Variants in ITK observed in about 807,000 individuals in gnomAD.
The protein encoded by ITK is IL2 inducible T cell kinase, also known as tyrosine-protein kinase ITK/TSK.
Under a neutral mutation model 87.6 loss-of-function variants are expected in ITK, and 45 were observed. The ratio of observed to expected loss-of-function variants is 0.51; its 90% CI spans 0.40 to 0.66. The LOEUF is 0.66. ITK is among the 30% of genes least tolerant of loss of function. The pLI, the probability that ITK is intolerant of heterozygous loss-of-function variation, is 0.00. For missense variants in ITK, 605 were observed against 766.3 expected (o/e 0.79, Z 2.48); for synonymous variants, 303 against 273.6 (o/e 1.11, Z -1.06).
intron 1 of ITK, among the ~76,000 whole-genome samples, chr5:157,188,055 C>G (rs569093185): frequency 6.6e-6 from 1 of 152,304 alleles, no homozygotes; most frequent in Admixed American, 6.5e-5. Context: ...CCTGCCTCAG[C>G]CTCCAAAAGT....
intron 1 of ITK, among the ~76,000 whole-genome samples, chr5:157,184,456 C>G (rs575747005): frequency 6.6e-6 from 1 of 152,274 alleles, no homozygotes; most frequent in East Asian, 1.9e-4. Context: ...GAGGTAGCCA[C>G]CAACTAAACA....
intron 5 of ITK, among the ~76,000 whole-genome samples, chr5:157,218,840 C>T (rs912122941): frequency 6.6e-6 from 1 of 152,178 alleles, no homozygotes; most frequent in South Asian, 2.1e-4. Flanking sequence ...CACCTGGGAG[C>T]ATGTTAGAAA....
Position 157,240,123 on chromosome 5 carries a change from T to C in ITK, c.913T>C (p.Tyr305His), listed in dbSNP as rs770504605. 3.7e-6 allele frequency: 6 copies of C among 1,613,274 alleles called. No individual in the cohort carries two copies. The South Asian group carries it at 4.4e-5, about 12-fold the overall frequency. Residue 305 changes from tyrosine (Y) to histidine (H), a missense_variant, in exon 10 of 17, where the codon TAC (tyrosine) becomes CAC (histidine). Around this residue, in one of 3 missense-constraint regions of ITK, gnomAD observed 464 missense variants for 578.0 expected, o/e 0.80. Transcript: ENST00000422843. Reference protein sequence around the residue: ...IKETNDNPKRYYVAEKYVFDS... With the variant: ...IKETNDNPKRHYVAEKYVFDS... ...GGAAACAAATGACAATCCTAAGCGA[T>C]ACTATGTGGCTGAAAAGTATGTGTT...
intron 4 of ITK, among the ~76,000 whole-genome samples, chr5:157,217,430 C>G (rs1216592598): frequency 1.3e-5 from 2 of 152,152 alleles, no homozygotes; most frequent in East Asian, 1.9e-4. Context: ...TCAGCCACCC[C>G]CTCCTCAAGC....
At chr5:157,237,685 A>T (rs967702794) in intron 8 of ITK, among the ~76,000 whole-genome samples, 4 of 152,260 alleles carry the variant, frequency 2.6e-5, no homozygotes, top group African/African-American at 9.6e-5. Flanking sequence ...CTCACATACC[A>T]GAGTTCAAAT....
intron 1 of ITK, among the ~76,000 whole-genome samples, chr5:157,188,192 G>T (rs1037759918): frequency 6.6e-6 from 1 of 152,106 alleles, no homozygotes; most frequent in Non-Finnish European, 1.5e-5. Context: ...ATGTCATTCA[G>T]TTGCCTTCCA....
chr5:157,233,703 T>C (rs1245107805), intron 8 of ITK, among the ~76,000 whole-genome samples: 3 of 152,038 alleles, frequency 2.0e-5, no homozygotes, highest in Admixed American at 6.6e-5. Context: ...TATGAACTAA[T>C]TGAGTGGAGT....
At chr5:157,251,382 G>A (rs1156550403) in intron 16 of ITK, among the ~76,000 whole-genome samples, 1 of 152,082 alleles carries the variant, frequency 6.6e-6, no homozygotes, top group African/African-American at 2.4e-5. Context: ...AGAGTTCTTT[G>A]TATATTTTGG....
chr5:157,238,228 A>G (rs774073557), intron 9 of ITK, 37 bp downstream of exon 9: 2 of 1,471,660 alleles, frequency 1.4e-6, no homozygotes, highest in Non-Finnish European at 1.9e-6. Flanking sequence ...GTGGAGAGAA[A>G]CACTTCTGAA....
chr5:157,186,050 C>T (rs1299582191), intron 1 of ITK, among the ~76,000 whole-genome samples: 2 of 152,070 alleles, frequency 1.3e-5, no homozygotes, highest in Non-Finnish European at 2.9e-5. Flanking sequence ...ATTTGTAGGT[C>T]AAGAAATTGA....
At chr5:157,235,551 G>A (rs967408955) in intron 8 of ITK, among the ~76,000 whole-genome samples, 1 of 152,012 alleles carries the variant, frequency 6.6e-6, no homozygotes, top group Admixed American at 6.5e-5. Context: ...CTTGCAAGTG[G>A]GTAACTCTCT....
intron 9 of ITK, among the ~76,000 whole-genome samples, 181 bp downstream of exon 9, chr5:157,238,372 T>A (rs1754819906): frequency 6.6e-6 from 1 of 152,154 alleles, no homozygotes; most frequent in Non-Finnish European, 1.5e-5. Context: ...CTTAAGAGAC[T>A]TAGAAAGTGA....
At chr5:157,205,552 C>T (rs1754061808) in intron 1 of ITK, among the ~76,000 whole-genome samples, 1 of 152,116 alleles carries the variant, frequency 6.6e-6, no homozygotes. Context: ...GCTTCATAGG[C>T]CACCTTGTGC....
At chr5:157,206,877 A>G (rs987378712) in intron 1 of ITK, among the ~76,000 whole-genome samples, 21 of 151,848 alleles carry the variant, frequency 1.4e-4, no homozygotes, top group Non-Finnish European at 2.5e-4. Flanking sequence ...TTGTGTCTCA[A>G]TCTCCTTTGG....
rs1043914042 is a variant in ITK, at chr5:157,243,871, G to C, written c.1232+77G>C. On this transcript the variant is annotated intron_variant, in intron 12 of 16. Transcript: ENST00000422843. ...AGTGTTCTTGAAATGCCATTCAAAC[G>C]CCAGGGGGTACTATCTCCCTGCGCA... 3 of 1,360,360 alleles carry C rather than the reference G, an allele frequency of 2.2e-6. No homozygotes were observed. The Admixed American group carries it at 5.1e-5, about 23-fold the overall frequency. 84.3% of individuals were successfully genotyped at this position (1,360,360 alleles called of 1,614,324 possible). A position where few individuals can be genotyped will look rare whatever the true frequency, so the allele number is the denominator to read the frequency against.
intron 1 of ITK, among the ~76,000 whole-genome samples, chr5:157,202,057 C>G (rs1450504219): frequency 6.6e-6 from 1 of 152,102 alleles, no homozygotes; most frequent in Admixed American, 6.6e-5. Flanking sequence ...TTTTTAGCCC[C>G]CACTTACGAG....
chr5:157,220,709 A>G (rs988952838), intron 5 of ITK, among the ~76,000 whole-genome samples: 5 of 151,942 alleles, frequency 3.3e-5, no homozygotes, highest in Non-Finnish European at 7.4e-5. Context: ...TGATTTTCTC[A>G]CTCAAATCTA....
intron 1 of ITK, chr5:157,195,617 C>T (rs1048089030): frequency 6.6e-5 from 10 of 152,182 alleles, no homozygotes; most frequent in African/African-American, 1.9e-4. Context: ...ACAGCAACCA[C>T]GATAGTTAAT....
At chr5:157,197,178 A>G (rs1291643794) in intron 1 of ITK, among the ~76,000 whole-genome samples, 3 of 152,216 alleles carry the variant, frequency 2.0e-5, no homozygotes, top group South Asian at 4.1e-4. Context: ...ATTAGAATCT[A>G]TGAAGAAAAA....
Sources: allele counts gnomAD v4.1 joint callset (sites outside exome capture counted in the v4.1 genomes callset), GRCh38; gene constraint gnomAD v4.1.1; regional missense constraint gnomAD v4.1.1; transcripts MANE v1.5; gene names NCBI Gene and HGNC (gene_info 2026-07-23, HGNC 2026-07-21).